ADCY5: variants seen among roughly 807,000 people sequenced by gnomAD.
ADCY5 encodes adenylate cyclase type 5.
In ADCY5, 30 loss-of-function variants were observed where a neutral mutation model predicts 119.7. The observed-to-expected ratio is 0.25, with a 90% CI of 0.19 to 0.34. ADCY5 has a LOEUF of 0.34. Ranked by LOEUF, ADCY5 falls within the 10% of genes least tolerant of loss-of-function variation. The pLI is 1.00. For missense variants in ADCY5, 1,324 were observed against 1,775.2 expected (o/e 0.75, Z 4.57); for synonymous variants, 753 against 762.2 (o/e 0.99, Z 0.20).
intron 1 of ADCY5, among the ~76,000 whole-genome samples, chr3:123,386,125 GA>G (rs1398937915): frequency 1.3e-5 from 2 of 152,182 alleles, no homozygotes; most frequent in Non-Finnish European, 2.9e-5. Context: ...AGGAGGTCAG[GA>G]AAGGCTCAAA....
rs1576704397 is a variant in ADCY5 at position 123,447,990 on chromosome 3, C to G, written c.556G>C (p.Asp186His). The change falls in exon 1 of 21, where the codon GAT becomes CAT. Residue 186 changes from aspartate (D) to histidine (H), a missense_variant. By Grantham distance (81) the Asp-to-His change is moderately conservative. This residue lies in a region of ADCY5 where 585 missense variants were observed against 569.9 expected (regional missense o/e 1.03). Coordinates refer to ENST00000462833, the MANE Select transcript of ADCY5 (RefSeq NM_183357.3). ...CCCGAGTCCGCCGAGCTGCCGCCAT[C>G]CCCGGACCCCTCGCCGCCCTCGACG... ...GAVEGGEGSG[D>H]GGSSADSGSG... is the part of the protein sequence containing the mutation. 7 of 1,339,614 alleles carry G rather than the reference C, an allele frequency of 5.2e-6. No homozygotes were observed. Among genetic ancestry groups the G allele is most frequent in the Non-Finnish European group, 5.7e-6 (6 of 1,048,758 alleles). 83.0% of individuals were successfully genotyped at this position (1,339,614 alleles called of 1,614,324 possible). A position where few individuals can be genotyped will look rare whatever the true frequency, so the allele number is the denominator to read the frequency against.
chr3:123,447,273 A>C, intron 1 of ADCY5, 139 bp downstream of exon 1: 1 of 1,009,466 alleles, frequency 9.9e-7, no homozygotes. Flanking sequence ...AGAAGCTCCC[A>C]AATAGCCTAC....
At chr3:123,304,911 A>G (rs896036974) in intron 12 of ADCY5, among the ~76,000 whole-genome samples, 6 of 152,070 alleles carry the variant, frequency 3.9e-5, no homozygotes, top group South Asian at 2.1e-4. Context: ...CTCATCTCCC[A>G]TGCAACCTAG....
chr3:123,328,969 G>A (rs1456146758), intron 5 of ADCY5, among the ~76,000 whole-genome samples, 167 bp from the exon 6 acceptor site: 1 of 152,178 alleles, frequency 6.6e-6, no homozygotes, highest in Middle Eastern at 3.2e-3. Context: ...GCACTGGGGC[G>A]GGCGGCAGGT....
At chr3:123,336,483 T>C (rs1201725068) in intron 3 of ADCY5, among the ~76,000 whole-genome samples, 1 of 152,196 alleles carries the variant, frequency 6.6e-6, no homozygotes, top group African/African-American at 2.4e-5. Flanking sequence ...ACCCCGAGCC[T>C]GAGGCTATGC....
At chr3:123,287,750 C>T (rs557553187) in intron 19 of ADCY5, among the ~76,000 whole-genome samples, 1 of 152,292 alleles carries the variant, frequency 6.6e-6, no homozygotes, top group East Asian at 1.9e-4. Context: ...CCTTGCTGAC[C>T]AGACTGAGCC....
chr3:123,369,211 C>T (rs1943553463), intron 1 of ADCY5, among the ~76,000 whole-genome samples: 1 of 152,164 alleles, frequency 6.6e-6, no homozygotes. Flanking sequence ...CTCTGTTTCG[C>T]CATGTGATGC....
chr3:123,352,167 G>A lies in ADCY5; in HGVS notation c.1284+265C>T, dbSNP rs1261873130. The stretch of plus-strand genomic sequence containing the variant: ...TGGGGAGGGAGAGAGGGACCCTCTG[G>A]CTGCTGGGCTTGTTTGCAAACCACA... On this transcript the variant is annotated intron_variant, in intron 2 of 20. Coordinates refer to ENST00000462833, the MANE Select transcript of ADCY5 (RefSeq NM_183357.3). This position sits in a 1 kb window ranked among gnomAD's most constrained non-coding sequence, Gnocchi z 4.8. 9.2e-5 allele frequency among the ~76,000 whole-genome samples: 14 copies of A among 152,096 alleles called. No individual in the cohort carries two copies. Among genetic ancestry groups the A allele is most frequent in the Non-Finnish European group, 1.5e-5 (1 of 68,006 alleles).
chr3:123,304,255 G>A (rs1012971270), intron 12 of ADCY5, 72 bp from the exon 13 acceptor site: 10 of 1,024,396 alleles, frequency 9.8e-6, no homozygotes, highest in Non-Finnish European at 1.3e-5. Context: ...CTCCACAAAT[G>A]GTCCCGGGAG....
At chr3:123,371,546 G>C (rs183513819) in intron 1 of ADCY5, among the ~76,000 whole-genome samples, 5 of 152,356 alleles carry the variant, frequency 3.3e-5, no homozygotes, top group Admixed American at 2.6e-4. Context: ...CTGTCTCCCA[G>C]GGGAAGTGGC....
chr3:123,389,216 G>A (rs963268605), intron 1 of ADCY5, among the ~76,000 whole-genome samples: 2 of 152,114 alleles, frequency 1.3e-5, no homozygotes, highest in Admixed American at 1.3e-4. Flanking sequence ...ATGAGGGCTT[G>A]GTGGAGACAC....
At chr3:123,319,277 C>T (rs925973778) in intron 10 of ADCY5, among the ~76,000 whole-genome samples, 3 of 150,944 alleles carry the variant, frequency 2.0e-5, no homozygotes, top group African/African-American at 7.3e-5. Flanking sequence ...TCACTTGAAC[C>T]TCGGGGGAGG....
chr3:123,349,474 A>G (rs1045917926), intron 2 of ADCY5, among the ~76,000 whole-genome samples: 8 of 152,052 alleles, frequency 5.3e-5, no homozygotes, highest in African/African-American at 1.9e-4. Context: ...GACACCCTGG[A>G]CCGACAGCCT....
chr3:123,369,538 G>C (rs1394614328), intron 1 of ADCY5, among the ~76,000 whole-genome samples: 1 of 152,220 alleles, frequency 6.6e-6, no homozygotes, highest in Non-Finnish European at 1.5e-5. Flanking sequence ...TCTGGGAACT[G>C]GGAGAGCTGG....
At chr3:123,427,131 T>C (rs1456774877) in intron 1 of ADCY5, among the ~76,000 whole-genome samples, 1 of 152,122 alleles carries the variant, frequency 6.6e-6, no homozygotes, top group Admixed American at 6.5e-5. Context: ...GGGCTCCCTG[T>C]GTCCCTAGCC....
chr3:123,414,639 C>T (rs1015365238), intron 1 of ADCY5, among the ~76,000 whole-genome samples: 6 of 152,212 alleles, frequency 3.9e-5, no homozygotes, highest in African/African-American at 1.4e-4. Flanking sequence ...TCACTGTAAC[C>T]TCTGCCTGCT....
Position 123,286,441 on chromosome 3 carries a change from C to A in ADCY5, c.3657+244G>T, listed in dbSNP as rs1938768036. ...AATCAGATCCACTCCCAGCAGCCCC[C>A]AGTCCCTTCCATGCCCAGTAGAGGG... On this transcript the variant is annotated intron_variant, in intron 20 of 20. Transcript: ENST00000462833. This position sits in a 1 kb window ranked among gnomAD's most constrained non-coding sequence, Gnocchi z 4.2. Among the ~76,000 whole-genome samples the A allele has an allele frequency of 6.6e-6, 1 of 152,250 alleles. No individual in the cohort carries two copies. Among genetic ancestry groups the A allele is most frequent in the Admixed American group, 6.5e-5 (1 of 15,294 alleles).
In ADCY5 at chr3:123,284,237, C is replaced by T. The variant is rs1014650250; in HGVS notation, c.*371G>A. 5 of 198,534 alleles carry T rather than the reference C, an allele frequency of 2.5e-5. No individual in the cohort carries two copies. The South Asian group carries it at 4.2e-4, about 17-fold the overall frequency. The allele number at this position is 198,534 out of a possible 1,614,324, so 12.3% of individuals were successfully genotyped here. Reference sequence around the variant, plus strand: ...GGCCACATTCGAGCCCGTCTACCCCCAGCTGAGTCGGAGGCCCCTCAGCCC... The same window carrying T: ...GGCCACATTCGAGCCCGTCTACCCCTAGCTGAGTCGGAGGCCCCTCAGCCC... On this transcript the variant is annotated 3_prime_UTR_variant, in exon 21 of 21. Transcript: ENST00000462833.
chr3:123,294,397 G>C (rs1354733275), intron 17 of ADCY5, among the ~76,000 whole-genome samples: 2 of 152,244 alleles, frequency 1.3e-5, no homozygotes, highest in Admixed American at 6.5e-5. Context: ...ATACAAAGGG[G>C]GAAAAGGGGA....
Sources: gnomAD v4.1 joint callset for allele counts (sites outside exome capture counted in the v4.1 genomes callset) on GRCh38, gnomAD v4.1.1 for gene constraint, gnomAD v4.1.1 regional missense constraint, Gnocchi (gnomAD v3.1) non-coding constraint, MANE v1.5 for transcripts, NCBI Gene and HGNC (gene_info 2026-07-23, HGNC 2026-07-21) for gene names.